The following GPC5 variants were observed in gnomAD, a reference collection of about 807,000 sequenced individuals.
GPC5 encodes the protein glypican-5.
Under a neutral mutation model 53.9 loss-of-function variants are expected in GPC5, and 47 were observed. The observed-to-expected ratio is 0.87, with a 90% CI of 0.69 to 1.11. GPC5 has a LOEUF of 1.11. GPC5 is among the 50% of genes most tolerant of loss of function. The pLI is 0.00. For missense variants in GPC5, 748 were observed against 713.1 expected, an observed-to-expected ratio of 1.05 and a Z score of -0.56; for synonymous variants, 286 against 263.3, an observed-to-expected ratio of 1.09 and a Z score of -0.84.
intron 2 of GPC5, among the ~76,000 whole-genome samples, chr13:91,548,108 C>A (rs952180696): frequency 6.6e-6 from 1 of 151,968 alleles, no homozygotes; most frequent in Non-Finnish European, 1.5e-5. Context: ...TCCTGGGAGT[C>A]ATAGCTAAGG....
intron 7 of GPC5, among the ~76,000 whole-genome samples, chr13:92,342,871 G>A (rs565574985): frequency 6.6e-6 from 1 of 152,008 alleles, no homozygotes; most frequent in Non-Finnish European, 1.5e-5. Flanking sequence ...GTTCTCTTCA[G>A]TGTATTTATT....
intron 7 of GPC5, among the ~76,000 whole-genome samples, chr13:92,213,139 C>A (rs183295103): frequency 6.6e-5 from 10 of 152,314 alleles, no homozygotes; most frequent in African/African-American, 1.7e-4. Context: ...GTTTCTCAGA[C>A]AAATGATCAA....
intron 7 of GPC5, among the ~76,000 whole-genome samples, chr13:92,163,224 G>A (rs2042003060): frequency 6.6e-6 from 1 of 152,096 alleles, no homozygotes; most frequent in South Asian, 2.1e-4. Context: ...CACTTGAGGA[G>A]TCCGAGGTGG....
chr13:91,568,504 A>G (rs1202418943), intron 2 of GPC5, among the ~76,000 whole-genome samples: 2 of 151,924 alleles, frequency 1.3e-5, no homozygotes, highest in Admixed American at 6.6e-5. Flanking sequence ...GAAGATTTAT[A>G]TCTACAAATT....
intron 2 of GPC5, among the ~76,000 whole-genome samples, chr13:91,655,700 G>A (rs1031333346): frequency 6.6e-6 from 1 of 152,032 alleles, no homozygotes; most frequent in African/African-American, 2.4e-5. Context: ...TACTAAGGAT[G>A]AGTTCTAAAA....
intron 7 of GPC5, among the ~76,000 whole-genome samples, chr13:92,732,875 C>T (rs1888843569): frequency 6.6e-6 from 1 of 151,652 alleles, no homozygotes; most frequent in Non-Finnish European, 1.5e-5. Context: ...CTGATGTGAT[C>T]ATTTCATTCC....
At chr13:92,433,114 G>A (rs1317380838) in intron 7 of GPC5, among the ~76,000 whole-genome samples, 1 of 152,118 alleles carries the variant, frequency 6.6e-6, no homozygotes, top group East Asian at 1.9e-4. Flanking sequence ...TTTATTTGCT[G>A]ATGGAAATGA....
rs544242408 is a variant in GPC5 at position 92,656,824 on chromosome 13, T to C, written c.1562-209458T>C. ...CAAAACGTATCCATGCATGGTGGCA[T>C]GCATCCATAATCCCAGCTACTCTTA... On this transcript the variant is annotated intron_variant, in intron 7 of 7. Transcript: ENST00000377067. 4.6e-5 allele frequency among the ~76,000 whole-genome samples: 7 copies of C among 152,304 alleles called. No individual in the cohort carries two copies. In the South Asian group the frequency reaches 1.4e-3, roughly 32 times the overall value.
At chr13:92,456,160 C>G (rs1291355164) in intron 7 of GPC5, among the ~76,000 whole-genome samples, 2 of 151,724 alleles carry the variant, frequency 1.3e-5, no homozygotes, top group East Asian at 3.9e-4. Flanking sequence ...GTTGATTTTC[C>G]CAGATAGTGA....
intron 1 of GPC5, among the ~76,000 whole-genome samples, chr13:91,414,865 G>T (rs1878074808): frequency 6.6e-6 from 1 of 152,130 alleles, no homozygotes; most frequent in Non-Finnish European, 1.5e-5. Context: ...TGGAGGAGAA[G>T]GTCTTAGAAA....
intron 6 of GPC5, among the ~76,000 whole-genome samples, chr13:91,937,143 C>A (rs570260436): frequency 6.6e-6 from 1 of 152,186 alleles, no homozygotes; most frequent in African/African-American, 2.4e-5. Context: ...TTCTCTATGC[C>A]TATGACCCTT....
chr13:92,197,542 G>A (rs1478301446), intron 7 of GPC5, among the ~76,000 whole-genome samples: 1 of 152,014 alleles, frequency 6.6e-6, no homozygotes, highest in East Asian at 1.9e-4. Context: ...TTTTCTCCCA[G>A]GATGGAGTGT....
At chr13:91,979,822 G>T (rs2040341358) in intron 6 of GPC5, among the ~76,000 whole-genome samples, 1 of 152,080 alleles carries the variant, frequency 6.6e-6, no homozygotes. Context: ...ATTATCCCTT[G>T]GTTCAACAGA....
chr13:92,743,766 A>G, intron 7 of GPC5, among the ~76,000 whole-genome samples: 1 of 152,162 alleles, frequency 6.6e-6, no homozygotes. Context: ...TCCCATCAAT[A>G]CCTAATTTAT....
At chr13:92,724,739 T>C (rs751598689) in intron 7 of GPC5, among the ~76,000 whole-genome samples, 5 of 151,564 alleles carry the variant, frequency 3.3e-5, no homozygotes, top group African/African-American at 4.8e-5. Context: ...AATTGTTCAA[T>C]GAGCATAAAG....
chr13:91,602,240 A>G (rs574593583), intron 2 of GPC5, among the ~76,000 whole-genome samples: 2 of 152,372 alleles, frequency 1.3e-5, no homozygotes, highest in Admixed American at 1.3e-4. Context: ...AAGAGTGTAT[A>G]CTTAGCTAAT....
At chr13:92,338,543 T>A (rs976728277) in intron 7 of GPC5, among the ~76,000 whole-genome samples, 11 of 152,074 alleles carry the variant, frequency 7.2e-5, no homozygotes, top group African/African-American at 2.4e-4. Context: ...TGGTACATCC[T>A]ACAATGGAAT....
chr13:91,603,445 A>C (rs1404559131), intron 2 of GPC5, among the ~76,000 whole-genome samples: 2 of 152,240 alleles, frequency 1.3e-5, no homozygotes, highest in African/African-American at 4.8e-5. Flanking sequence ...GGTGCAGTCC[A>C]CGGTTAGTGG....
intron 6 of GPC5, among the ~76,000 whole-genome samples, chr13:92,034,510 T>TA: frequency 6.6e-6 from 1 of 151,678 alleles, no homozygotes; most frequent in African/African-American, 2.4e-5. Flanking sequence ...AAATAAAATT[T>TA]AAAAAAAGGA....
Sources: allele counts gnomAD v4.1 joint callset (sites outside exome capture counted in the v4.1 genomes callset), GRCh38; gene constraint gnomAD v4.1.1; transcripts MANE v1.5; gene names NCBI Gene and HGNC (gene_info 2026-07-23, HGNC 2026-07-21).